Variants in SRP9 observed in about 807,000 individuals in gnomAD.
The protein encoded by SRP9 is signal recognition particle 9 kDa protein.
SRP9 carries 2 observed loss-of-function variants against 11.7 expected under a neutral mutation model. The observed-to-expected ratio is 0.17, with a 90% CI of 0.07 to 0.54. SRP9 has a LOEUF of 0.54. Ranked by LOEUF, SRP9 falls within the 20% of genes least tolerant of loss-of-function variation. The pLI, the probability that SRP9 is intolerant of heterozygous loss-of-function variation, is 0.94. For missense variants in SRP9, 54 were observed against 108.1 expected, an observed-to-expected ratio of 0.50 and a Z score of 2.22; for synonymous variants, 27 against 35.6, an observed-to-expected ratio of 0.76 and a Z score of 0.86.
At position 225,789,091 on chromosome 1, in the gene SRP9, T is replaced by G. The variant is rs1163286283; in HGVS notation, c.142-149T>G. ...TGGAATTGCTGGAGGCTTGGAAACT[T>G]GAGTGCAATTTCCCTAGTACGACCT... On this transcript the variant is annotated intron_variant, in intron 2 of 2. Coordinates refer to ENST00000304786, the MANE Select transcript of SRP9 (RefSeq NM_003133.6). 6 of 1,551,184 alleles carry G rather than the reference T, an allele frequency of 3.9e-6. No individual in the cohort carries two copies. The African/African-American group carries it at 5.5e-5, about 14-fold the overall frequency.
intron 1 of SRP9, among the ~76,000 whole-genome samples, chr1:225,780,204 T>TTA (rs1491185394): frequency 1.0e-4 from 11 of 110,268 alleles, no homozygotes; most frequent in South Asian, 2.8e-4. Context: ...TTTTTTTTTT[T>TTA]AAAGACGGGG....
chr1:225,789,146 GA>G (rs1665973599), intron 2 of SRP9, 93 bp from the exon 3 acceptor site: 2 of 1,551,784 alleles, frequency 1.3e-6, no homozygotes, highest in African/African-American at 2.7e-5. Flanking sequence ...ACAGTGGTAG[GA>G]AAAACTCTCA....
intron 2 of SRP9, chr1:225,786,739 TATC>T (rs1409135432): frequency 1.2e-5 from 14 of 1,152,028 alleles, no homozygotes; most frequent in Admixed American, 3.4e-5. Flanking sequence ...ATCTGTAAAG[TATC>T]ATAGTGATAG....
chr1:225,784,744 A>G (rs1217482871), intron 2 of SRP9, among the ~76,000 whole-genome samples: 1 of 151,550 alleles, frequency 6.6e-6, no homozygotes, highest in East Asian at 2.0e-4. Flanking sequence ...CAGGAGGCTG[A>G]GGCAGGAGAA....
At chr1:225,782,832 G>A (rs1018930594) in intron 1 of SRP9, among the ~76,000 whole-genome samples, 4 of 152,190 alleles carry the variant, frequency 2.6e-5, no homozygotes, top group African/African-American at 9.7e-5. Flanking sequence ...AAGATTTGTG[G>A]AAAAATGGAA....
At chr1:225,784,754 A>G (rs1244679648) in intron 2 of SRP9, among the ~76,000 whole-genome samples, 2 of 151,554 alleles carry the variant, frequency 1.3e-5, no homozygotes, top group Non-Finnish European at 2.9e-5. Flanking sequence ...AGGCAGGAGA[A>G]TGGCATAAAC....
chr1:225,779,670 A>G (rs370053192), intron 1 of SRP9, among the ~76,000 whole-genome samples: 5 of 152,190 alleles, frequency 3.3e-5, no homozygotes, highest in African/African-American at 1.2e-4. Flanking sequence ...ACATACTTCT[A>G]TTTTTTACAA....
chr1:225,786,275 C>T (rs1196807003), intron 2 of SRP9, among the ~76,000 whole-genome samples: 1 of 152,200 alleles, frequency 6.6e-6, no homozygotes, highest in Non-Finnish European at 1.5e-5. Context: ...TGCTGTATCA[C>T]AATTCTTTTA....
chr1:225,785,788 T>C (rs1486091648), intron 2 of SRP9, among the ~76,000 whole-genome samples: 1 of 151,614 alleles, frequency 6.6e-6, no homozygotes, highest in African/African-American at 2.4e-5. Flanking sequence ...GTTCAAGCAA[T>C]TCTCCTGCCT....
chr1:225,788,327 A>C lies in SRP9; in HGVS notation c.142-913A>C, dbSNP rs573068399. 2.0e-4 allele frequency among the ~76,000 whole-genome samples: 31 copies of C among 152,172 alleles called. No homozygotes were observed. In the South Asian group the frequency reaches 5.6e-3, roughly 27 times the overall value. ...CGCTTGAGCCCAGGACGCAGGTTGC[A>C]GTGAGCTGAGATTGCACCACTACAC... On this transcript the variant is annotated intron_variant, in intron 2 of 2. Coordinates refer to ENST00000304786, the MANE Select transcript of SRP9 (RefSeq NM_003133.6).
At chr1:225,786,470 T>C (rs1357186277) in intron 2 of SRP9, among the ~76,000 whole-genome samples, 1 of 152,232 alleles carries the variant, frequency 6.6e-6, no homozygotes, top group Non-Finnish European at 1.5e-5. Context: ...CTTTTTGTCT[T>C]TGGTCATATA....
chr1:225,783,218 T>G, intron 1 of SRP9, 82 bp from the exon 2 acceptor site: 1 of 1,104,022 alleles, frequency 9.1e-7, no homozygotes. Flanking sequence ...AAAAGGATCC[T>G]TTTCAGCCTA....
At chr1:225,784,034 T>C (rs1665847845) in intron 2 of SRP9, among the ~76,000 whole-genome samples, 1 of 151,972 alleles carries the variant, frequency 6.6e-6, no homozygotes, top group Non-Finnish European at 1.5e-5. Context: ...TATATGTGCT[T>C]CTCTAGGATT....
chr1:225,783,134 T>C (rs917665155), intron 1 of SRP9, among the ~76,000 whole-genome samples, 166 bp from the exon 2 acceptor site: 9 of 152,228 alleles, frequency 5.9e-5, no homozygotes, highest in Non-Finnish European at 8.8e-5. Context: ...CTAAAATAGC[T>C]GATTTTTTTT....
chr1:225,783,220 T>G, intron 1 of SRP9, 80 bp from the exon 2 acceptor site: 1 of 1,126,390 alleles, frequency 8.9e-7, no homozygotes, highest in Non-Finnish European at 1.3e-6. Flanking sequence ...AAGGATCCTT[T>G]TCAGCCTACC....
At position 225,777,970 on chromosome 1, in the gene SRP9, C is replaced by T. The variant is rs776477091; in HGVS notation, c.30C>T (p.Phe10=). ...CGCAGTACCAGACCTGGGAGGAGTT[C>T]AGCCGCGCTGCCGAGAAGCTTTACC... The part of the protein sequence containing the change: MPQYQTWEE[F]SRAAEKLYLA... Residue 10 remains phenylalanine (F), a synonymous_variant, in exon 1 of 3, where the codon TTC becomes TTT. Transcript: ENST00000304786. 6 of 1,614,116 alleles carry T rather than the reference C, an allele frequency of 3.7e-6. No individual in the cohort carries two copies. The highest frequency in any genetic ancestry group is 3.3e-5 in the South Asian group (3 of 91,086).
intron 2 of SRP9, among the ~76,000 whole-genome samples, chr1:225,787,915 G>C (rs1301504021): frequency 6.6e-6 from 1 of 152,154 alleles, no homozygotes; most frequent in Admixed American, 6.5e-5. Flanking sequence ...AAAAAAATCA[G>C]TTGGGCATGA....
intron 2 of SRP9, among the ~76,000 whole-genome samples, chr1:225,787,516 A>G (rs1665942724): frequency 6.6e-6 from 1 of 152,190 alleles, no homozygotes; most frequent in African/African-American, 2.4e-5. Flanking sequence ...CCTGGGTGAC[A>G]GAACTAGACT....
rs569256071 is a variant in SRP9 at position 225,783,340 on chromosome 1, T to C, written c.113T>C (p.Leu38Ser). ...VLKYRHSDGN[L>S]CVKVTDDLVC... ...AAATATAGGCATTCTGATGGGAACT[T>C]GTGTGTTAAAGTAACAGATGATTTA... Residue 38 changes from leucine (L) to serine (S), a missense_variant, in exon 2 of 3, where the codon TTG becomes TCG. Transcript: ENST00000304786. 3 of 1,612,756 alleles carry C rather than the reference T, an allele frequency of 1.9e-6. No homozygotes were observed. Among genetic ancestry groups the C allele is most frequent in the South Asian group, 1.1e-5 (1 of 90,936 alleles).
Sources: allele counts gnomAD v4.1 joint callset (sites outside exome capture counted in the v4.1 genomes callset), GRCh38; gene constraint gnomAD v4.1.1; transcripts MANE v1.5; gene names NCBI Gene and HGNC (gene_info 2026-07-23, HGNC 2026-07-21).